Variants in PRR16 observed in about 807,000 individuals in gnomAD.
The protein encoded by PRR16 is protein Largen.
PRR16 carries 6 observed loss-of-function variants against 18.2 expected under a neutral mutation model. The ratio of observed to expected loss-of-function variants is 0.33; its 90% CI spans 0.18 to 0.65. The LOEUF (loss-of-function observed/expected upper bound fraction) is 0.65. Ranked by LOEUF, PRR16 falls within the 30% of genes least tolerant of loss-of-function variation. PRR16 has a pLI of 0.74. For synonymous variants in PRR16, 151 were observed against 147.8 expected (o/e 1.02, Z -0.16); for missense variants, 412 against 376.6 (o/e 1.09, Z -0.78).
chr5:120,736,618 T>G, the PRR16 span, among the ~76,000 whole-genome samples: 1 of 151,202 alleles, frequency 6.6e-6, no homozygotes, highest in Admixed American at 6.6e-5. Context: ...TTTTTCTATT[T>G]CTGCAAAAAC....
In PRR16 at chr5:120,667,392, T is replaced by C. The variant is rs181760438; in HGVS notation, c.160-18562T>C. Reference sequence around the variant, plus strand: ...AGTGGTCTATCAATTTTGTTGATCCTTTTAAAAAACCAGCTCCTGGATTCA... The same window carrying C: ...AGTGGTCTATCAATTTTGTTGATCCCTTTAAAAAACCAGCTCCTGGATTCA... On this transcript the variant is annotated intron_variant, in intron 1 of 1. Coordinates refer to ENST00000407149, the MANE Select transcript of PRR16 (RefSeq NM_001300783.2). Among the ~76,000 whole-genome samples, 192 of 152,290 alleles carry C rather than the reference T, an allele frequency of 1.3e-3. 3 individuals carry two copies. The East Asian group carries it at 0.032, about 25-fold the overall frequency.
chr5:120,666,722 G>T, intron 1 of PRR16, among the ~76,000 whole-genome samples: 1 of 146,660 alleles, frequency 6.8e-6, no homozygotes, highest in African/African-American at 2.5e-5. Flanking sequence ...ATAATCATGT[G>T]GTTTTTGTCT....
At position 120,686,679 on chromosome 5, in the gene PRR16, C is replaced by A. The variant is rs1435828870; in HGVS notation, c.885C>A (p.Ile295=). 21 of 1,560,118 alleles carry A rather than the reference C, an allele frequency of 1.3e-5. No homozygotes were observed. Among genetic ancestry groups the A allele is most frequent in the Non-Finnish European group, 1.7e-5 (20 of 1,152,190 alleles). Residue 295 remains isoleucine, a synonymous_variant, in exon 2 of 2, where the codon ATC becomes ATA. Coordinates refer to ENST00000407149, the MANE Select transcript of PRR16 (RefSeq NM_001300783.2). The part of the protein sequence containing the change: ...PPTAPKPQKT[I]LRKSTTTTV ...CTGCACCAAAACCACAGAAGACGATCTTGAGGAAGTCAACCACTACAACCG... is the reference window on the plus strand; with the variant it reads ...CTGCACCAAAACCACAGAAGACGATATTGAGGAAGTCAACCACTACAACCG...
At chr5:120,506,284 G>A (rs889755831) in intron 1 of PRR16, among the ~76,000 whole-genome samples, 1 of 151,440 alleles carries the variant, frequency 6.6e-6, no homozygotes, top group Non-Finnish European at 1.5e-5. Flanking sequence ...TTTTTTTAAG[G>A]AAAAGATAAA....
At chr5:120,733,944 A>G in the PRR16 span, among the ~76,000 whole-genome samples, 1,198 of 152,266 alleles carry the variant, frequency 7.9e-3, 7 homozygotes, top group Middle Eastern at 0.031. Context: ...TTTTATTTCA[A>G]TCTGTGTTAT....
At chr5:120,484,956 A>G (rs1477791718) in intron 1 of PRR16, among the ~76,000 whole-genome samples, 1 of 151,726 alleles carries the variant, frequency 6.6e-6, no homozygotes, top group Non-Finnish European at 1.5e-5. Context: ...AAAACATTGT[A>G]TATATTTTTG....
intron 1 of PRR16, among the ~76,000 whole-genome samples, chr5:120,574,756 G>T (rs1753020025): frequency 6.7e-6 from 1 of 149,014 alleles, no homozygotes; most frequent in Non-Finnish European, 1.5e-5. Flanking sequence ...ATTGAATATT[G>T]GTGAAGACTT....
the PRR16 span, among the ~76,000 whole-genome samples, chr5:120,718,441 A>T: frequency 3.9e-5 from 6 of 152,090 alleles, no homozygotes; most frequent in Non-Finnish European, 7.4e-5. Flanking sequence ...ACAATTGCTA[A>T]GTCATTGCCC....
chr5:120,651,546 T>C (rs2150131841), intron 1 of PRR16, among the ~76,000 whole-genome samples: 1 of 152,344 alleles, frequency 6.6e-6, no homozygotes, highest in South Asian at 2.1e-4. Flanking sequence ...TTTCTGCATA[T>C]GGCTAGCCAG....
chr5:120,645,887 A>G (rs1339060024), intron 1 of PRR16, among the ~76,000 whole-genome samples: 1 of 151,892 alleles, frequency 6.6e-6, no homozygotes, highest in African/African-American at 2.4e-5. Context: ...CTTTCGTAAA[A>G]CAGAGGAAAT....
At chr5:120,718,907 G>T in the PRR16 span, among the ~76,000 whole-genome samples, 7 of 152,038 alleles carry the variant, frequency 4.6e-5, no homozygotes, top group African/African-American at 1.7e-4. Context: ...ACTAATAGAA[G>T]TGTATAGGGA....
chr5:120,621,813 C>T (rs779459272), intron 1 of PRR16, among the ~76,000 whole-genome samples: 3 of 152,148 alleles, frequency 2.0e-5, no homozygotes, highest in Non-Finnish European at 2.9e-5. Context: ...CCTCCCCAGC[C>T]ATGCTGAAGT....
At chr5:120,580,285 G>T (rs1753224317) in intron 1 of PRR16, among the ~76,000 whole-genome samples, 1 of 152,012 alleles carries the variant, frequency 6.6e-6, no homozygotes, top group African/African-American at 2.4e-5. Flanking sequence ...GGAGTGGTGA[G>T]AGAGGGCATT....
At chr5:120,569,074 C>T (rs1157788124) in intron 1 of PRR16, among the ~76,000 whole-genome samples, 2 of 151,990 alleles carry the variant, frequency 1.3e-5, no homozygotes, top group Non-Finnish European at 2.9e-5. Flanking sequence ...CTATACATGC[C>T]TCTAATCAGT....
intron 1 of PRR16, among the ~76,000 whole-genome samples, chr5:120,499,178 C>G (rs965691622): frequency 1.3e-5 from 2 of 150,886 alleles, no homozygotes; most frequent in Non-Finnish European, 2.9e-5. Flanking sequence ...GGCGTGATCT[C>G]GGCTCACCAC....
At chr5:120,771,965 G>A in the PRR16 span, among the ~76,000 whole-genome samples, 1 of 151,898 alleles carries the variant, frequency 6.6e-6, no homozygotes, top group Non-Finnish European at 1.5e-5. Context: ...ATAAAAGAAA[G>A]CTATAATAGT....
At chr5:120,486,944 A>T (rs1342331332) in intron 1 of PRR16, among the ~76,000 whole-genome samples, 5 of 152,164 alleles carry the variant, frequency 3.3e-5, no homozygotes, top group African/African-American at 1.2e-4. Flanking sequence ...TTTGTCAAAG[A>T]TCAGATAGTT....
At chr5:120,697,409 A>G in the PRR16 span, among the ~76,000 whole-genome samples, 1 of 152,258 alleles carries the variant, frequency 6.6e-6, no homozygotes, top group Non-Finnish European at 1.5e-5. Flanking sequence ...TGCAACTGGA[A>G]TTGTACAGAT....
At chr5:120,467,840 T>C (rs1580608011) in intron 1 of PRR16, among the ~76,000 whole-genome samples, 1 of 152,166 alleles carries the variant, frequency 6.6e-6, no homozygotes, top group East Asian at 1.9e-4. Context: ...ATGGGTCCTT[T>C]TGTTTTCTAT....
Sources: gnomAD v4.1 joint callset for allele counts (sites outside exome capture counted in the v4.1 genomes callset) on GRCh38, gnomAD v4.1.1 for gene constraint, MANE v1.5 for transcripts, NCBI Gene and HGNC (gene_info 2026-07-23, HGNC 2026-07-21) for gene names.